TRIM2: variants seen among roughly 807,000 people sequenced by gnomAD.
TRIM2 encodes the protein tripartite motif-containing protein 2.
TRIM2 carries 20 observed loss-of-function variants against 75.2 expected under a neutral mutation model. The ratio of observed to expected loss-of-function variants is 0.27; its 90% CI spans 0.19 to 0.39. The LOEUF is 0.39. Among genes scored for constraint, TRIM2 ranks in the 10% least tolerant of loss-of-function variants. The pLI is 1.00. For synonymous variants in TRIM2, 373 were observed against 388.3 expected (o/e 0.96, Z 0.46); for missense variants, 660 against 990.8 (o/e 0.67, Z 4.48).
chr4:153,187,853 C>G (rs1040656756), intron 1 of TRIM2, among the ~76,000 whole-genome samples: 1 of 152,204 alleles, frequency 6.6e-6, no homozygotes, highest in African/African-American at 2.4e-5. Flanking sequence ...CACAAGCTTT[C>G]CTGGAGACAA....
intron 11 of TRIM2, among the ~76,000 whole-genome samples, chr4:153,329,171 G>A (rs1174945689): frequency 4.6e-5 from 7 of 151,914 alleles, no homozygotes; most frequent in African/African-American, 1.5e-4. Flanking sequence ...ATTATTTAAT[G>A]TGCTAATTTT....
upstream of TRIM2, among the ~76,000 whole-genome samples, chr4:153,199,477 G>A (rs1007505353): frequency 2.6e-5 from 4 of 152,260 alleles, no homozygotes; most frequent in South Asian, 2.1e-4. Context: ...GTACTATAAC[G>A]AATCTGTTTG....
Position 153,336,819 on chromosome 4 carries a change from A to G in TRIM2, c.*1853A>G. 1 of 985,506 alleles carries G rather than the reference A, an allele frequency of 1.0e-6. No individual in the cohort carries two copies. The highest frequency in any genetic ancestry group is 1.2e-6 in the Non-Finnish European group (1 of 829,622). The allele number at this position is 985,506 out of a possible 1,614,324, so 61.0% of individuals were successfully genotyped here. A position where few individuals can be genotyped will look rare whatever the true frequency, so the allele number is the denominator to read the frequency against. ...AAAAGGTTTTTCCAGGAAGATTTAC[A>G]TTTAGGTTTAATATTTTTTTAGTTA... On this transcript the variant is annotated 3_prime_UTR_variant, in exon 12 of 12. Coordinates refer to ENST00000338700, the MANE Select transcript of TRIM2 (RefSeq NM_015271.5).
chr4:153,174,236 T>C (rs530962460), intron 1 of TRIM2, among the ~76,000 whole-genome samples: 6 of 145,930 alleles, frequency 4.1e-5, no homozygotes, highest in Admixed American at 1.4e-4. Context: ...GGCAGTGCCA[T>C]TGACTTAGAG....
chr4:153,295,248 G>GCC lies in TRIM2; in HGVS notation c.787-65_787-64insCC. 3.4e-6 allele frequency: 5 copies of GCC among 1,458,114 alleles called. No individual in the cohort carries two copies. The highest frequency in any genetic ancestry group is 5.4e-5 in the Admixed American group (2 of 37,170). 90.3% of individuals were successfully genotyped at this position (1,458,114 alleles called of 1,614,324 possible). On this transcript the variant is annotated intron_variant, in intron 5 of 11. Transcript: ENST00000338700. The surrounding 1 kb of genome is among the most constrained non-coding windows in gnomAD (Gnocchi z 7.2). Reference sequence around the variant, plus strand: ...TAGAGTCTCCTTCTCGCCGGTGGAGGGCACTGCCCCGGGCTAGGCCCCGCC... The same window carrying GCC: ...TAGAGTCTCCTTCTCGCCGGTGGAGGCCGCACTGCCCCGGGCTAGGCCCCGCC...
At chr4:153,160,245 G>C (rs558044389) in intron 1 of TRIM2, among the ~76,000 whole-genome samples, 1 of 152,164 alleles carries the variant, frequency 6.6e-6, no homozygotes, top group East Asian at 1.9e-4. Flanking sequence ...CATTATAATT[G>C]AGTAGAGTAA....
chr4:153,244,361 T>TTCTTCCTCC (rs1748128504), intron 1 of TRIM2, among the ~76,000 whole-genome samples: 1 of 26,980 alleles, frequency 3.7e-5, no homozygotes, highest in East Asian at 1.1e-3. Flanking sequence ...CTTCCTCTTC[T>TTCTTCCTCC]TCTTCTTCTT....
rs116339757 is a variant in TRIM2, at chr4:153,295,787, A to G, written c.1261A>G (p.Thr421Ala). 1.9e-6 allele frequency: 3 copies of G among 1,614,052 alleles called. No individual in the cohort carries two copies. The East Asian group carries it at 6.7e-5, about 36-fold the overall frequency. The change falls in exon 6 of 12, where the codon ACT becomes GCT. Residue 421 changes from threonine to alanine, a missense_variant. By Grantham distance (58) the Thr-to-Ala change is moderately conservative. Transcript: ENST00000338700. This position sits in a 1 kb window ranked among gnomAD's most constrained non-coding sequence, Gnocchi z 7.2. ...GAACGGCACCTATGAGTTTTTGTAC[A>G]CTGTCCAGAAGGAAGGGGACTTTAC... ...NKNGTYEFLY[T>A]VQKEGDFTLS...
chr4:153,163,493 A>ATATTTTTTTTT (rs1390228832), intron 1 of TRIM2, among the ~76,000 whole-genome samples: 2 of 80,882 alleles, frequency 2.5e-5, no homozygotes. Flanking sequence ...CTAGATTTAC[A>ATATTTTTTTTT]TCTTTTTTTT....
At chr4:153,322,611 T>C (rs1769265012) in intron 8 of TRIM2, 37 bp from the exon 9 acceptor site, 1 of 1,602,514 alleles carries the variant, frequency 6.2e-7, no homozygotes, top group Non-Finnish European at 8.5e-7. Flanking sequence ...ACTTTGACTC[T>C]ATACTGTACT....
intron 1 of TRIM2, among the ~76,000 whole-genome samples, chr4:153,177,742 CTTCCTTCCTTCT>C (rs1731611736): frequency 6.7e-6 from 1 of 149,290 alleles, no homozygotes; most frequent in South Asian, 2.1e-4. Context: ...TCCTTCCTTC[CTTCCTTCCTTCT>C]TTCCCTCCCA....
intron 1 of TRIM2, chr4:153,157,150 A>T (rs1460259382): frequency 6.6e-6 from 1 of 152,240 alleles, no homozygotes; most frequent in East Asian, 1.9e-4. Flanking sequence ...TGTTCAAAAC[A>T]GTGTTGTTTA....
At chr4:153,279,292 G>A (rs997150410) in intron 3 of TRIM2, among the ~76,000 whole-genome samples, 1 of 152,098 alleles carries the variant, frequency 6.6e-6, no homozygotes, top group Non-Finnish European at 1.5e-5. Context: ...CTATTAGATC[G>A]TGAGAACTTC....
chr4:153,237,667 G>A (rs1416938499), intron 1 of TRIM2, among the ~76,000 whole-genome samples: 4 of 151,762 alleles, frequency 2.6e-5, no homozygotes, highest in Non-Finnish European at 4.4e-5. Flanking sequence ...GCGACAGTGC[G>A]AGACTCCGAC....
At chr4:153,250,724 T>C (rs1473752212) in intron 1 of TRIM2, among the ~76,000 whole-genome samples, 2 of 152,226 alleles carry the variant, frequency 1.3e-5, no homozygotes, top group Non-Finnish European at 2.9e-5. Flanking sequence ...CACCTGGATA[T>C]GTCTTCAGTT....
chr4:153,324,496 C>T (rs1008616099), intron 10 of TRIM2: 10 of 197,202 alleles, frequency 5.1e-5, no homozygotes, highest in East Asian at 1.7e-4. Context: ...TTCAATTTTC[C>T]GCATCTTTTT....
intron 11 of TRIM2, among the ~76,000 whole-genome samples, chr4:153,332,152 AAAAC>A (rs1771614007): frequency 1.3e-5 from 2 of 152,208 alleles, no homozygotes; most frequent in Admixed American, 6.5e-5. Flanking sequence ...CCATAAAAGA[AAAAC>A]AATTAACAAA....
At position 153,335,347 on chromosome 4, in the gene TRIM2, C is replaced by G; in HGVS notation, c.*381C>G. On this transcript the variant is annotated 3_prime_UTR_variant, in exon 12 of 12. Transcript: ENST00000338700. ...TTGCACAGAACTTCCAAAAGCAAAA[C>G]AAAAACAAAATCTATTGTAGTTATA... The G allele has an allele frequency of 8.1e-6, 8 of 992,002 alleles. No individual in the cohort carries two copies. The highest frequency in any genetic ancestry group is 9.6e-6 in the Non-Finnish European group (8 of 834,538). 61.4% of individuals were successfully genotyped at this position (992,002 alleles called of 1,614,324 possible).
At chr4:153,313,992 C>T (rs1048574183) in intron 6 of TRIM2, among the ~76,000 whole-genome samples, 1 of 152,064 alleles carries the variant, frequency 6.6e-6, no homozygotes, top group African/African-American at 2.4e-5. Flanking sequence ...GGTTCTCTCT[C>T]TCTATGAAAA....
Sources: allele counts gnomAD v4.1 joint callset (sites outside exome capture counted in the v4.1 genomes callset), GRCh38; gene constraint gnomAD v4.1.1; non-coding constraint Gnocchi (gnomAD v3.1); transcripts MANE v1.5; gene names NCBI Gene and HGNC (gene_info 2026-07-23, HGNC 2026-07-21).